GALK2: variants seen among roughly 807,000 people sequenced by gnomAD.
The protein encoded by GALK2 is N-acetylgalactosamine kinase.
A neutral mutation model predicts 52.4 loss-of-function variants in GALK2; 36 were observed. The observed-to-expected ratio is 0.69, with a 90% CI of 0.53 to 0.91. The LOEUF is 0.91. Ranked by LOEUF, GALK2 falls within the 40% of genes least tolerant of loss-of-function variation. The pLI is 0.00. For missense variants in GALK2, 579 were observed against 559.1 expected (o/e 1.04, Z -0.36); for synonymous variants, 176 against 199.1 (o/e 0.88, Z 0.98).
chr15:49,197,864 A>AT (rs35432225), intron 1 of GALK2, among the ~76,000 whole-genome samples: 89,389 of 151,920 alleles, frequency 0.59, 26,448 homozygotes, highest in Middle Eastern at 0.66. Flanking sequence ...TTGTACTTAT[A>AT]TTTTAAAACA....
chr15:49,325,886 A>C (rs537965624), intron 9 of GALK2, among the ~76,000 whole-genome samples: 1 of 152,354 alleles, frequency 6.6e-6, no homozygotes, highest in East Asian at 1.9e-4. Context: ...TAAAAGTCTC[A>C]GGAAAATAGA....
rs200495187 is a variant in GALK2, at chr15:49,230,549, GTTC to G, written c.267-5296_267-5294del. Among the ~76,000 whole-genome samples the G allele has an allele frequency of 1.0e-2, 1,516 of 152,186 alleles. 22 individuals are homozygous for G. Among genetic ancestry groups the G allele is most frequent in the African/African-American group, 0.035 (1,456 of 41,528 alleles). On this transcript the variant is annotated intron_variant, in intron 3 of 9. Transcript: ENST00000560031. ...CTATGATTGTCAACTTGTTATTTTG[GTTC>G]TTCTTTATGGAGGAGGCAAGTACCA...
At chr15:49,178,551 T>C in intron 1 of GALK2, 1 of 260,140 alleles carries the variant, frequency 3.8e-6, no homozygotes, top group South Asian at 5.2e-5. Context: ...TGCACACGAA[T>C]CCTATATATA....
intron 7 of GALK2, 76 bp from the exon 8 acceptor site, chr15:49,292,251 T>C (rs1026744343): frequency 1.3e-5 from 18 of 1,334,726 alleles, no homozygotes; most frequent in Non-Finnish European, 1.9e-5. Flanking sequence ...CAGCTTAACG[T>C]TGAATCTGGC....
At chr15:49,358,726 G>A (rs1422137755) in intron 3 of GALK2, among the ~76,000 whole-genome samples, 2 of 151,420 alleles carry the variant, frequency 1.3e-5, no homozygotes, top group Non-Finnish European at 3.0e-5. Flanking sequence ...TCACAGAATT[G>A]GAAAAAACTA....
intron 1 of GALK2, among the ~76,000 whole-genome samples, chr15:49,174,771 T>G (rs992459696): frequency 1.3e-5 from 2 of 152,196 alleles, no homozygotes; most frequent in Admixed American, 6.5e-5. Context: ...TATGACATCT[T>G]ATGTAGACAT....
intron 5 of GALK2, among the ~76,000 whole-genome samples, chr15:49,265,807 A>C (rs2092340579): frequency 6.6e-6 from 1 of 152,238 alleles, no homozygotes; most frequent in Non-Finnish European, 1.5e-5. Context: ...GCTTCTGTGA[A>C]GATAAAATAT....
intron 5 of GALK2, among the ~76,000 whole-genome samples, chr15:49,249,326 A>G (rs188628038): frequency 6.6e-6 from 1 of 152,330 alleles, no homozygotes; most frequent in East Asian, 1.9e-4. Context: ...AGACAATGAA[A>G]GACTGACTTA....
chr15:49,267,235 A>G (rs1329730770), intron 5 of GALK2, among the ~76,000 whole-genome samples: 1 of 152,164 alleles, frequency 6.6e-6, no homozygotes, highest in African/African-American at 2.4e-5. Flanking sequence ...GGGAAATTAA[A>G]CATCAGGAGT....
intron 3 of GALK2, among the ~76,000 whole-genome samples, chr15:49,233,351 A>G (rs2090612933): frequency 6.6e-6 from 1 of 152,170 alleles, no homozygotes. Context: ...CACCCCCATG[A>G]TCCAGTCACC....
chr15:49,189,533 C>T (rs1235672444), intron 1 of GALK2, among the ~76,000 whole-genome samples: 1 of 152,074 alleles, frequency 6.6e-6, no homozygotes, highest in Non-Finnish European at 1.5e-5. Flanking sequence ...ATAAATTAGG[C>T]ATAGCAAGAG....
At chr15:49,285,969 T>TC (rs2033308528) in intron 7 of GALK2, among the ~76,000 whole-genome samples, 1 of 152,106 alleles carries the variant, frequency 6.6e-6, no homozygotes, top group South Asian at 2.1e-4. Flanking sequence ...TTCCTTACAC[T>TC]CCAGCCATGA....
intron 7 of GALK2, among the ~76,000 whole-genome samples, chr15:49,289,465 G>T (rs2033715375): frequency 6.6e-6 from 1 of 152,220 alleles, no homozygotes; most frequent in Non-Finnish European, 1.5e-5. Flanking sequence ...CTTACCAGAA[G>T]ACCCAGGGAG....
intron 3 of GALK2, chr15:49,365,734 T>C (rs2045046484): frequency 1.1e-6 from 1 of 884,340 alleles, no homozygotes; most frequent in Non-Finnish European, 1.9e-6. Context: ...CAAGATATCT[T>C]GTAAAATCCA....
At position 49,329,611 on chromosome 15, in the gene GALK2, T is replaced by G. The variant is rs1200829599; in HGVS notation, c.*1452T>G. 10 of 984,762 alleles carry G rather than the reference T, an allele frequency of 1.0e-5. 1 individual carries two copies. In the Middle Eastern group the frequency reaches 1.5e-3, roughly 153 times the overall value. 61.0% of individuals were successfully genotyped at this position (984,762 alleles called of 1,614,324 possible). On this transcript the variant is annotated 3_prime_UTR_variant, in exon 10 of 10. Coordinates refer to ENST00000560031, the MANE Select transcript of GALK2 (RefSeq NM_002044.4). ...TTTAAAAATAAACTTCTGATGCATT[T>G]TCATTCTTAGCAGAAAGGTAAATGC...
In GALK2 at chr15:49,292,365, A is replaced by T; in HGVS notation, c.795A>T (p.Val265=). The T allele has an allele frequency of 6.2e-7, 1 of 1,614,106 alleles. No homozygotes were observed. Among genetic ancestry groups the T allele is most frequent in the South Asian group, 1.1e-5 (1 of 91,082 alleles). The change falls in exon 8 of 10, where the codon GTA becomes GTT. Residue 265 remains valine, a synonymous_variant. Transcript: ENST00000560031. ...AKYKSLQWDK[V]LRLEEVQAKL... ...ACAAAAGCTTGCAATGGGACAAAGT[A>T]CTGAGGCTGGAGGAGGTGCAGGCTA...
chr15:49,327,828 C>A, intron 9 of GALK2, 124 bp from the exon 10 acceptor site: 1 of 819,300 alleles, frequency 1.2e-6, no homozygotes, highest in Non-Finnish European at 1.9e-6. Context: ...TGTTTGATGA[C>A]ACCTAAAAAC....
In GALK2 at chr15:49,161,749, T is replaced by G. The variant is rs140870025; in HGVS notation, c.20+5733T>G. The G allele has an allele frequency of 1.5e-3, 286 of 189,722 alleles. 2 individuals carry two copies. Among genetic ancestry groups the G allele is most frequent in the African/African-American group, 6.3e-3 (265 of 42,130 alleles). 11.8% of individuals were successfully genotyped at this position (189,722 alleles called of 1,614,324 possible). ...TATTTTATTTTTTGAGATGGAGTCT[T>G]GCTTTGTTGCCCAGTCTAGAGTGCA... On this transcript the variant is annotated intron_variant, in intron 1 of 9. Transcript: ENST00000327171.
chr15:49,265,388 T>C (rs544097824), intron 5 of GALK2, among the ~76,000 whole-genome samples: 1 of 152,214 alleles, frequency 6.6e-6, no homozygotes. Context: ...GTGCAGGATA[T>C]AATCTCCTGG....
Sources: allele counts gnomAD v4.1 joint callset (sites outside exome capture counted in the v4.1 genomes callset), GRCh38; gene constraint gnomAD v4.1.1; transcripts MANE v1.5; gene names NCBI Gene and HGNC (gene_info 2026-07-23, HGNC 2026-07-21).